DAB1: variants seen among roughly 807,000 people sequenced by gnomAD.
DAB1 encodes the protein disabled homolog 1.
A neutral mutation model predicts 64.6 loss-of-function variants in DAB1; 15 were observed. The ratio of observed to expected loss-of-function variants is 0.23; its 90% CI spans 0.16 to 0.36. DAB1 has a LOEUF of 0.36. DAB1 is among the 10% of genes least tolerant of loss of function. DAB1 has a pLI of 1.00. For synonymous variants in DAB1, 235 were observed against 251.9 expected, an observed-to-expected ratio of 0.93 and a Z score of 0.64; for missense variants, 596 against 706.7, an observed-to-expected ratio of 0.84 and a Z score of 1.78.
At chr1:57,631,811 G>T (rs1645992673) in intron 7 of DAB1, among the ~76,000 whole-genome samples, 1 of 152,190 alleles carries the variant, frequency 6.6e-6, no homozygotes, top group Non-Finnish European at 1.5e-5. Flanking sequence ...AATGTACCAG[G>T]ACCCAAAGGA....
intron 4 of DAB1, among the ~76,000 whole-genome samples, chr1:58,230,054 G>C (rs1659702515): frequency 6.6e-6 from 1 of 152,100 alleles, no homozygotes. Context: ...TCACGCCATT[G>C]CTCCTACGTC....
intron 3 of DAB1, among the ~76,000 whole-genome samples, chr1:58,400,399 C>T (rs1644558693): frequency 1.3e-5 from 2 of 152,098 alleles, no homozygotes; most frequent in African/African-American, 4.8e-5. Flanking sequence ...GATGGTGATG[C>T]ATGATTCAAG....
chr1:57,764,742 T>G (rs928566874), intron 6 of DAB1, among the ~76,000 whole-genome samples: 1 of 152,176 alleles, frequency 6.6e-6, no homozygotes, highest in African/African-American at 2.4e-5. Context: ...CAAGATTGAG[T>G]GTTGTTCCCC....
chr1:58,390,487 T>C (rs559834570), intron 3 of DAB1, among the ~76,000 whole-genome samples: 2 of 152,254 alleles, frequency 1.3e-5, no homozygotes, highest in East Asian at 3.9e-4. Flanking sequence ...GTAACTGACA[T>C]TGGCAAGAGG....
intron 1 of DAB1, among the ~76,000 whole-genome samples, chr1:57,414,510 T>C (rs564880130): frequency 3.9e-5 from 6 of 152,244 alleles, no homozygotes; most frequent in Non-Finnish European, 7.3e-5. Context: ...ATAACTTTTA[T>C]ATACACTGGA....
intron 4 of DAB1, among the ~76,000 whole-genome samples, chr1:58,314,044 C>T (rs1557729263): frequency 6.6e-6 from 1 of 152,152 alleles, no homozygotes; most frequent in Admixed American, 6.5e-5. Flanking sequence ...TTCTTTGCCT[C>T]AGTCTCCTTT....
At chr1:57,134,819 T>A (rs1183800273) in intron 4 of DAB1, among the ~76,000 whole-genome samples, 1 of 152,194 alleles carries the variant, frequency 6.6e-6, no homozygotes, top group African/African-American at 2.4e-5. Flanking sequence ...CAGCAAGTTA[T>A]GTAAACTTTT....
chr1:58,418,322 A>G lies in DAB1; in HGVS notation n.258-74919T>C, dbSNP rs553781626. On this transcript the variant is annotated intron_variant and non_coding_transcript_variant, in intron 3 of 20. Transcript: ENST00000485760. ...ATGATCTCTCTTGTTAAAATAGGAG[A>G]AAAAGCCTTATAATTCTATAAAATC... Among the ~76,000 whole-genome samples the G allele has an allele frequency of 7.9e-5, 12 of 152,316 alleles. No individual in the cohort carries two copies. In the South Asian group the frequency reaches 2.5e-3, roughly 32 times the overall value.
intron 7 of DAB1, among the ~76,000 whole-genome samples, chr1:57,604,432 A>G (rs1645612093): frequency 6.6e-6 from 1 of 151,600 alleles, no homozygotes; most frequent in Non-Finnish European, 1.5e-5. Context: ...GAGGAAGCCC[A>G]TGCTAGCCAC....
intron 4 of DAB1, among the ~76,000 whole-genome samples, chr1:58,293,259 G>C (rs1488499151): frequency 6.6e-6 from 1 of 152,192 alleles, no homozygotes; most frequent in Non-Finnish European, 1.5e-5. Flanking sequence ...CCAGCAGCCA[G>C]AGTAGCCTAG....
At chr1:57,566,473 C>T (rs1436797591) in intron 7 of DAB1, among the ~76,000 whole-genome samples, 7 of 152,156 alleles carry the variant, frequency 4.6e-5, no homozygotes, top group East Asian at 1.9e-4. Context: ...TTCAAAAAAT[C>T]AATGAATCCA....
chr1:57,846,186 A>T (rs923187103), intron 1 of DAB1, among the ~76,000 whole-genome samples: 2 of 152,222 alleles, frequency 1.3e-5, no homozygotes, highest in East Asian at 1.9e-4. Context: ...GTGGCCAGGC[A>T]TGGTGGCTCA....
chr1:57,468,220 T>C (rs1424154631), intron 7 of DAB1, among the ~76,000 whole-genome samples: 1 of 152,028 alleles, frequency 6.6e-6, no homozygotes, highest in Non-Finnish European at 1.5e-5. Context: ...AAGGAATAAA[T>C]GAATGAATAC....
At chr1:58,517,853 A>G (rs189475493) in intron 2 of DAB1, among the ~76,000 whole-genome samples, 99 of 151,948 alleles carry the variant, frequency 6.5e-4, no homozygotes, top group African/African-American at 2.3e-3. Flanking sequence ...AGTCTGGAGG[A>G]AAATTCTGGT....
At chr1:58,327,896 A>T (rs1662872556) in intron 4 of DAB1, among the ~76,000 whole-genome samples, 1 of 152,176 alleles carries the variant, frequency 6.6e-6, no homozygotes, top group African/African-American at 2.4e-5. Flanking sequence ...ATAGTCATGG[A>T]GATAAACCAC....
At chr1:58,142,544 A>G (rs2100717699) in intron 5 of DAB1, among the ~76,000 whole-genome samples, 1 of 152,352 alleles carries the variant, frequency 6.6e-6, no homozygotes, top group South Asian at 2.1e-4. Context: ...AAGAGCCTAA[A>G]TCAGAGCTTT....
At chr1:58,484,378 T>A (rs768408568) in intron 3 of DAB1, among the ~76,000 whole-genome samples, 6 of 152,218 alleles carry the variant, frequency 3.9e-5, no homozygotes, top group Non-Finnish European at 7.4e-5. Context: ...AGATTATACT[T>A]TTTGTTATAT....
intron 7 of DAB1, among the ~76,000 whole-genome samples, chr1:57,583,264 C>A (rs1645334989): frequency 6.6e-6 from 1 of 151,512 alleles, no homozygotes; most frequent in Non-Finnish European, 1.5e-5. Context: ...CCTCTCTGAG[C>A]CTCGGTTTCT....
Position 58,010,774 on chromosome 1 carries a change from C to T in DAB1, n.388-126612G>A, listed in dbSNP as rs1022641394. The stretch of plus-strand genomic sequence containing the variant: ...CATGTGCTCTTACCTGTACTCCATG[C>T]CTATTGCAGACATTACTAATCTATC... On this transcript the variant is annotated intron_variant and non_coding_transcript_variant, in intron 5 of 20. Transcript: ENST00000485760. Among the ~76,000 whole-genome samples the T allele has an allele frequency of 2.0e-5, 3 of 152,312 alleles. No individual in the cohort carries two copies. In the South Asian group the frequency reaches 6.2e-4, roughly 32 times the overall value.
Sources: gnomAD v4.1 joint callset for allele counts (sites outside exome capture counted in the v4.1 genomes callset) on GRCh38, gnomAD v4.1.1 for gene constraint, MANE v1.5 for transcripts, NCBI Gene and HGNC (gene_info 2026-07-23, HGNC 2026-07-21) for gene names.